The following RIC1 variants were observed in gnomAD, a reference collection of about 807,000 sequenced individuals.
RIC1 encodes the protein guanine nucleotide exchange factor subunit RIC1.
RIC1 carries 88 observed loss-of-function variants against 169.0 expected under a neutral mutation model. The ratio of observed to expected loss-of-function variants is 0.52; its 90% CI spans 0.44 to 0.62. RIC1 has a LOEUF of 0.62. Among genes scored for constraint, RIC1 ranks in the 20% least tolerant of loss-of-function variants. The probability of loss-of-function intolerance (pLI) is 0.00; values close to 1 mark genes in which losing one functional copy is unlikely to be tolerated. For missense variants in RIC1, 1,877 were observed against 1,725.5 expected, an observed-to-expected ratio of 1.09 and a Z score of -1.56; for synonymous variants, 790 against 601.5, an observed-to-expected ratio of 1.31 and a Z score of -4.59.
At chr9:5,677,802 A>C (rs1262326900) in intron 2 of RIC1, among the ~76,000 whole-genome samples, 1 of 151,870 alleles carries the variant, frequency 6.6e-6, no homozygotes, top group Non-Finnish European at 1.5e-5. Context: ...TTTTGAAAAA[A>C]CTTCCACTGA....
chr9:5,777,306 GT>G (rs576281540), downstream of RIC1, among the ~76,000 whole-genome samples: 33 of 143,176 alleles, frequency 2.3e-4, no homozygotes, highest in African/African-American at 2.8e-4. Flanking sequence ...CAATATTCAA[GT>G]TTTTTTTTTT....
intron 2 of RIC1, among the ~76,000 whole-genome samples, chr9:5,681,491 C>T (rs1820836544): frequency 6.6e-6 from 1 of 152,186 alleles, no homozygotes; most frequent in African/African-American, 2.4e-5. Flanking sequence ...AGTTTGATTG[C>T]ACTATGGTCT....
In RIC1 at chr9:5,765,695, A is replaced by C. The variant is rs1826684988; in HGVS notation, c.3034A>C (p.Arg1012=). ...PSSSGGFEFF[R]NRSISLSQSA... ...TTCAAGTGGTGGATTTGAGTTCTTCAGGAATCGAAGCATCAGTTTATCCCA... is the reference window on the plus strand; with the variant it reads ...TTCAAGTGGTGGATTTGAGTTCTTCCGGAATCGAAGCATCAGTTTATCCCA... Residue 1012 remains arginine (R), a synonymous_variant, in exon 21 of 26, where the codon AGG becomes CGG. Coordinates refer to ENST00000414202, the MANE Select transcript of RIC1 (RefSeq NM_020829.4). 2 of 1,614,076 alleles carry C rather than the reference A, an allele frequency of 1.2e-6. No homozygotes were observed. The highest frequency in any genetic ancestry group is 8.5e-7 in the Non-Finnish European group (1 of 1,180,022).
intron 21 of RIC1, among the ~76,000 whole-genome samples, chr9:5,767,805 T>C (rs1336202794): frequency 6.6e-6 from 1 of 152,172 alleles, no homozygotes; most frequent in Non-Finnish European, 1.5e-5. Flanking sequence ...CAGGCTAGTC[T>C]CAAACTCCCG....
At position 5,656,611 on chromosome 9, in the gene RIC1, A is replaced by T. The variant is rs1252812583; in HGVS notation, c.173A>T (p.Glu58Val). Residue 58 changes from glutamate (E) to valine (V), a missense_variant, in exon 2 of 26, where the codon GAG (glutamate) becomes GTG (valine). Physicochemically the swap from Glu to Val is moderately radical, Grantham distance 121. Transcript: ENST00000414202. ...RPSVLIVTYK[E>V]PAKSSTQFGS... ...AGTGTGTTAATTGTAACCTACAAGG[A>T]GCCTGCAAAATCATCTACTCAGTTT... 1.1e-5 allele frequency: 17 copies of T among 1,607,034 alleles called. No homozygotes were observed. Among genetic ancestry groups the T allele is most frequent in the Non-Finnish European group, 1.3e-5 (15 of 1,175,950 alleles).
At chr9:5,741,101 C>G (rs1364156975) in intron 8 of RIC1, among the ~76,000 whole-genome samples, 1 of 152,126 alleles carries the variant, frequency 6.6e-6, no homozygotes, top group Non-Finnish European at 1.5e-5. Flanking sequence ...TATAGTTTAA[C>G]TTGGTGTGCT....
chr9:5,769,998 A>C (rs734548), intron 22 of RIC1, 89 bp from the exon 23 acceptor site: 1 of 1,161,574 alleles, frequency 8.6e-7, no homozygotes, highest in South Asian at 1.5e-5. Flanking sequence ...GTAGGCAGGT[A>C]GGGGAAGCTA....
intron 17 of RIC1, among the ~76,000 whole-genome samples, chr9:5,758,699 C>T (rs1418102283): frequency 6.7e-6 from 1 of 150,024 alleles, no homozygotes; most frequent in Non-Finnish European, 1.5e-5. Flanking sequence ...ATTCTAGACC[C>T]CTTAAGCATC....
At chr9:5,743,845 C>T (rs900155789) in intron 10 of RIC1, 108 bp downstream of exon 10, 1 of 805,492 alleles carries the variant, frequency 1.2e-6, no homozygotes, top group African/African-American at 1.7e-5. Flanking sequence ...GGGTCTTACA[C>T]TGTCACCCAG....
chr9:5,738,429 T>G (rs754621051), intron 7 of RIC1, 21 bp from the exon 8 acceptor site: 2 of 1,536,112 alleles, frequency 1.3e-6, no homozygotes, highest in Admixed American at 3.8e-5. Context: ...CACTAAAAGT[T>G]TTTCGTTGTT....
At chr9:5,669,330 A>T (rs1410118522) in intron 2 of RIC1, among the ~76,000 whole-genome samples, 3 of 152,058 alleles carry the variant, frequency 2.0e-5, no homozygotes, top group Non-Finnish European at 4.4e-5. Context: ...TATCATTATT[A>T]TGTCTTTGTG....
chr9:5,766,717 G>A (rs576489231), intron 21 of RIC1, among the ~76,000 whole-genome samples: 2 of 152,018 alleles, frequency 1.3e-5, no homozygotes, highest in African/African-American at 4.8e-5. Flanking sequence ...TCATATATAC[G>A]TATATACAAG....
At chr9:5,632,170 G>C (rs757887488) in intron 1 of RIC1, among the ~76,000 whole-genome samples, 1 of 152,188 alleles carries the variant, frequency 6.6e-6, no homozygotes, top group Non-Finnish European at 1.5e-5. Context: ...AATTTTGTTA[G>C]GGCTCACTTA....
rs1206646217 is a variant in RIC1, at chr9:5,756,289, G to A, written c.1770G>A (p.Leu590=). ...HVTKAQAETL[L]LSVFQDMVIV... is the part of the protein sequence containing the mutation. ...CCAAAGCACAAGCAGAAACATTACT[G>A]CTTAGTGTCTTCCAGGACATGGTAA... Residue 590 remains leucine (L), a synonymous_variant, in exon 16 of 26, where the codon CTG becomes CTA. Transcript: ENST00000414202. 1 of 1,605,822 alleles carries A rather than the reference G, an allele frequency of 6.2e-7. No individual in the cohort carries two copies. Among genetic ancestry groups the A allele is most frequent in the South Asian group, 1.1e-5 (1 of 89,760 alleles).
intron 8 of RIC1, among the ~76,000 whole-genome samples, chr9:5,741,991 A>T (rs1825112214): frequency 6.6e-6 from 1 of 152,174 alleles, no homozygotes; most frequent in Non-Finnish European, 1.5e-5. Context: ...TTTGCATTGT[A>T]TTCTCTGTTT....
chr9:5,629,141 C>A lies in RIC1; in HGVS notation c.-169C>A, dbSNP rs1474650932. 4 of 521,440 alleles carry A rather than the reference C, an allele frequency of 7.7e-6. No individual in the cohort carries two copies. The South Asian group carries it at 2.3e-4, about 30-fold the overall frequency. 32.3% of individuals were successfully genotyped at this position (521,440 alleles called of 1,614,324 possible). On this transcript the variant is annotated 5_prime_UTR_variant, in exon 1 of 26. Coordinates refer to ENST00000414202, the MANE Select transcript of RIC1 (RefSeq NM_020829.4). ...CCCGTCAGCTTGGGGGTGCCTTCGT[C>A]GCGCAGCCTTGCGTCGGCCCGGCCC...
At chr9:5,631,174 G>C (rs545173587) in intron 1 of RIC1, among the ~76,000 whole-genome samples, 1 of 152,284 alleles carries the variant, frequency 6.6e-6, no homozygotes, top group South Asian at 2.1e-4. Flanking sequence ...TTTGGTTTTG[G>C]AGTTACATAC....
At chr9:5,771,249 A>C (rs936467257) in intron 23 of RIC1, among the ~76,000 whole-genome samples, 1 of 152,178 alleles carries the variant, frequency 6.6e-6, no homozygotes, top group African/African-American at 2.4e-5. Flanking sequence ...AGTGGCAACC[A>C]CCATTTTATT....
At chr9:5,777,096 T>G (rs1586746320), downstream of RIC1, among the ~76,000 whole-genome samples, 1 of 152,288 alleles carries the variant, frequency 6.6e-6, no homozygotes, top group East Asian at 1.9e-4. Flanking sequence ...GTTTAGATTT[T>G]CATTTACCTA....
Sources: allele counts gnomAD v4.1 joint callset (sites outside exome capture counted in the v4.1 genomes callset), GRCh38; gene constraint gnomAD v4.1.1; transcripts MANE v1.5; gene names NCBI Gene and HGNC (gene_info 2026-07-23, HGNC 2026-07-21).